The following NPHP4 variants were observed in gnomAD, a reference collection of about 807,000 sequenced individuals.
NPHP4 encodes nephrocystin 4, also known as nephrocystin-4.
NPHP4 carries 151 observed loss-of-function variants against 155.8 expected under a neutral mutation model. The observed-to-expected ratio is 0.97, with a 90% CI of 0.85 to 1.11. NPHP4 has a LOEUF of 1.11. Among genes scored for constraint, NPHP4 ranks in the 50% least tolerant of loss-of-function variants. NPHP4 has a pLI of 0.00. For synonymous variants in NPHP4, 845 were observed against 816.8 expected, an observed-to-expected ratio of 1.03 and a Z score of -0.59; for missense variants, 1,956 against 1,925.7, an observed-to-expected ratio of 1.02 and a Z score of -0.29.
At position 5,969,155 on chromosome 1, in the gene NPHP4, A is replaced by T. The variant is rs1652094141; in HGVS notation, c.384T>A (p.Cys128Ter). ...TGAAGATCCGAAGAATTCCAAACCC[A>T]CAGGACAATGTCTGGAGGCTCCCAT... is the stretch of plus-strand genomic sequence containing the variant. ...KRDGSLQTLSCGFGILRIFSN... is the reference protein window; with the variant it reads ...KRDGSLQTLS The change falls in exon 4 of 30, where the codon TGT becomes TGA. Residue 128 changes from cysteine (C) to a stop codon, truncating the protein, a stop_gained. Coordinates refer to ENST00000378156, the MANE Select transcript of NPHP4 (RefSeq NM_015102.5). LOFTEE classifies it high-confidence loss of function. 6.4e-7 allele frequency: 1 copy of T among 1,555,866 alleles called. No homozygotes were observed. Among genetic ancestry groups the T allele is most frequent in the South Asian group, 1.2e-5 (1 of 84,250 alleles).
At chr1:5,956,728 G>A (rs756999603) in intron 6 of NPHP4, among the ~76,000 whole-genome samples, 11 of 152,184 alleles carry the variant, frequency 7.2e-5, no homozygotes, top group African/African-American at 2.2e-4. Context: ...CTCCCAGGAC[G>A]CTCTACTGTA....
rs757617474 is a variant in NPHP4 at position 5,882,560 on chromosome 1, C to T, written c.2486-2321G>A. On this transcript the variant is annotated intron_variant, in intron 18 of 29. Coordinates refer to ENST00000378156, the MANE Select transcript of NPHP4 (RefSeq NM_015102.5). The surrounding 1 kb of genome is among the most constrained non-coding windows in gnomAD (Gnocchi z 5.1). ...GGTCCCTGCTACATCCCCATAAAGA[C>T]GCAGCCTCCATGTCGCCCACATGCC... 19 of 152,922 alleles carry T rather than the reference C, an allele frequency of 1.2e-4. No homozygotes were observed. The highest frequency in any genetic ancestry group is 4.4e-5 in the Non-Finnish European group (3 of 68,526). The allele number at this position is 152,922 out of a possible 1,614,324, so 9.5% of individuals were successfully genotyped here. A position where few individuals can be genotyped will look rare whatever the true frequency, so the allele number is the denominator to read the frequency against.
At chr1:5,927,196 T>C (rs7519679) in intron 11 of NPHP4, among the ~76,000 whole-genome samples, 127,380 of 152,254 alleles carry the variant, frequency 0.84, 53,506 homozygotes, top group African/African-American at 0.93. Flanking sequence ...TTGCTGCTTG[T>C]AGCCAATTGT....
chr1:5,989,663 A>G (rs535205516), intron 1 of NPHP4, among the ~76,000 whole-genome samples: 40 of 152,346 alleles, frequency 2.6e-4, no homozygotes, highest in African/African-American at 9.6e-4. Context: ...TTCACACACA[A>G]TGCAGGCCGT....
At chr1:5,955,010 G>A (rs564629728) in intron 6 of NPHP4, among the ~76,000 whole-genome samples, 25 of 149,566 alleles carry the variant, frequency 1.7e-4, no homozygotes, top group Non-Finnish European at 3.4e-4. Context: ...AATACATAAG[G>A]AATTTAAGCA....
At chr1:5,980,813 A>C (rs1654556237) in intron 2 of NPHP4, among the ~76,000 whole-genome samples, 1 of 152,130 alleles carries the variant, frequency 6.6e-6, no homozygotes, top group Non-Finnish European at 1.5e-5. Flanking sequence ...TGGGCAGAGC[A>C]GGTCTGAAGA....
intron 5 of NPHP4, among the ~76,000 whole-genome samples, chr1:5,964,917 T>C (rs866278295): frequency 2.4e-5 from 2 of 82,640 alleles, no homozygotes; most frequent in African/African-American, 5.6e-5. Context: ...TACATATATA[T>C]TATATATATA....
intron 5 of NPHP4, among the ~76,000 whole-genome samples, chr1:5,963,880 G>T (rs1193697866): frequency 6.6e-6 from 1 of 152,004 alleles, no homozygotes; most frequent in Admixed American, 6.6e-5. Flanking sequence ...TAGAGACAGG[G>T]TTTCACCATG....
intron 7 of NPHP4, among the ~76,000 whole-genome samples, chr1:5,950,001 T>C (rs1647657370): frequency 6.6e-6 from 1 of 151,916 alleles, no homozygotes; most frequent in African/African-American, 2.4e-5. Context: ...AGAAGAAAAA[T>C]GGCTGAATTT....
intron 7 of NPHP4, among the ~76,000 whole-genome samples, chr1:5,952,243 G>GC (rs1356682697): frequency 6.6e-6 from 1 of 152,200 alleles, no homozygotes; most frequent in African/African-American, 2.4e-5. Context: ...CCGGAAACGA[G>GC]CCCCATGTCC....
intron 9 of NPHP4, among the ~76,000 whole-genome samples, chr1:5,934,057 A>T (rs72857457): frequency 0.029 from 4,396 of 152,262 alleles, 190 homozygotes; most frequent in African/African-American, 0.096. Flanking sequence ...TAAAATTACC[A>T]ACTTTCATCC....
Position 5,863,403 on chromosome 1 carries a change from G to C in NPHP4, c.4143C>G (p.Val1381=). Residue 1381 remains valine, a splice_region_variant and synonymous_variant, in exon 30 of 30, where the codon GTC becomes GTG. Transcript: ENST00000378156. The stretch of plus-strand genomic sequence containing the variant: ...CGATGGTGTAGGTCTCTCCACCCCC[G>C]ACCTGGAAATAAGCATCCAAATCCC... The part of the protein sequence containing the change: ...LLRFREDSFQ[V]GGGETYTIGL... 1 of 1,593,994 alleles carries C rather than the reference G, an allele frequency of 6.3e-7. No homozygotes were observed. Among genetic ancestry groups the C allele is most frequent in the Non-Finnish European group, 8.6e-7 (1 of 1,168,356 alleles).
intron 23 of NPHP4, 26 bp downstream of exon 23, chr1:5,873,226 C>A (rs1349360434): frequency 2.5e-6 from 4 of 1,586,436 alleles, no homozygotes; most frequent in Non-Finnish European, 2.6e-6. Context: ...GCCCCGAGAT[C>A]AGTTTGTCCT....
At chr1:5,899,575 G>A (rs1388226862) in intron 16 of NPHP4, among the ~76,000 whole-genome samples, 1 of 152,180 alleles carries the variant, frequency 6.6e-6, no homozygotes, top group Non-Finnish European at 1.5e-5. Flanking sequence ...ACGCAGGTGT[G>A]TTCACTTGGT....
At chr1:5,978,482 A>T in intron 2 of NPHP4, 69 bp from the exon 3 acceptor site, 2 of 1,475,012 alleles carry the variant, frequency 1.4e-6, no homozygotes, top group South Asian at 2.4e-5. Flanking sequence ...CTGGCAGGCC[A>T]TGTGGGTGCA....
rs112793167 is a variant in NPHP4, at chr1:5,895,171, G to A, written c.2144-4143C>T. Among the ~76,000 whole-genome samples the A allele has an allele frequency of 3.2e-3, 483 of 152,058 alleles. 3 individuals are homozygous for A. The highest frequency in any genetic ancestry group is 0.011 in the African/African-American group (451 of 41,450). Reference sequence around the variant, plus strand: ...CACAGGAAGGGGAACATCACACACCGGGGCCTGTCGTGGGGTGGGGGAAGG... The same window carrying A: ...CACAGGAAGGGGAACATCACACACCAGGGCCTGTCGTGGGGTGGGGGAAGG... On this transcript the variant is annotated intron_variant, in intron 16 of 29. Transcript: ENST00000378156.
intron 16 of NPHP4, among the ~76,000 whole-genome samples, chr1:5,897,516 C>T (rs1204452267): frequency 6.6e-6 from 1 of 152,106 alleles, no homozygotes; most frequent in Non-Finnish European, 1.5e-5. Flanking sequence ...AGCTTTCAGC[C>T]GTCGCTCCCG....
intron 16 of NPHP4, among the ~76,000 whole-genome samples, chr1:5,903,226 G>A (rs1644758779): frequency 6.6e-6 from 1 of 152,172 alleles, no homozygotes; most frequent in Non-Finnish European, 1.5e-5. Flanking sequence ...CTCCTTATAA[G>A]TCCATCAAGT....
intron 17 of NPHP4, chr1:5,888,402 T>TA: frequency 9.2e-7 from 1 of 1,089,672 alleles, no homozygotes; most frequent in Non-Finnish European, 1.1e-6. Context: ...CCGGATTTTG[T>TA]AATTCTCCAG....
Sources: gnomAD v4.1 joint callset for allele counts (sites outside exome capture counted in the v4.1 genomes callset) on GRCh38, gnomAD v4.1.1 for gene constraint, Gnocchi (gnomAD v3.1) non-coding constraint, MANE v1.5 for transcripts, NCBI Gene and HGNC (gene_info 2026-07-23, HGNC 2026-07-21) for gene names.